MGST1: variants seen among roughly 807,000 people sequenced by gnomAD.
MGST1 encodes the protein glutathione S-transferase 12.
A neutral mutation model predicts 8.9 loss-of-function variants in MGST1; 5 were observed. The ratio of observed to expected loss-of-function variants is 0.56; its 90% CI spans 0.29 to 1.19. The LOEUF (loss-of-function observed/expected upper bound fraction) is 1.19. Among genes scored for constraint, MGST1 ranks in the 50% most tolerant of loss-of-function variants. The pLI is 0.08. For synonymous variants in MGST1, 54 were observed against 67.8 expected (o/e 0.80, Z 1.00); for missense variants, 182 against 187.4 (o/e 0.97, Z 0.17).
At chr12:16,549,873 C>T (rs947877339) in intron 4 of MGST1, 6 of 151,906 alleles carry the variant, frequency 3.9e-5, no homozygotes, top group African/African-American at 1.2e-4. Context: ...TATGCTATCA[C>T]GTAAGGTAGT....
At chr12:16,415,377 C>G (rs1370005936) in intron 1 of MGST1, among the ~76,000 whole-genome samples, 1 of 105,562 alleles carries the variant, frequency 9.5e-6, no homozygotes, top group African/African-American at 4.6e-5. Flanking sequence ...GAATAAAATA[C>G]AGTTGACTTT....
At chr12:16,572,941 C>A in intron 4 of MGST1, among the ~76,000 whole-genome samples, 1 of 151,246 alleles carries the variant, frequency 6.6e-6, no homozygotes, top group Non-Finnish European at 1.5e-5. Context: ...AATTGATCAT[C>A]AAAATAGGAA....
At position 16,401,577 on chromosome 12, in the gene MGST1, T is replaced by C; in HGVS notation, n.778+17973T>C. On this transcript the variant is annotated intron_variant and non_coding_transcript_variant, in intron 1 of 1. Coordinates refer to the MGST1 transcript ENST00000359720. The surrounding 1 kb of genome is among the most constrained non-coding windows in gnomAD (Gnocchi z 4.3). The stretch of plus-strand genomic sequence containing the variant: ...TCAAAGTGCGAACAGGTTGGAGCAA[T>C]AAGACTCGAAGCGAATACCCATGGC... 7.5e-7 allele frequency: 1 copy of C among 1,337,726 alleles called. No individual in the cohort carries two copies. The highest frequency in any genetic ancestry group is 1.1e-6 in the Non-Finnish European group (1 of 929,210). The allele number at this position is 1,337,726 out of a possible 1,614,324, so 82.9% of individuals were successfully genotyped here. A position where few individuals can be genotyped will look rare whatever the true frequency, so the allele number is the denominator to read the frequency against.
Position 16,401,770 on chromosome 12 carries a change from C to T in MGST1, n.778+18166C>T. On this transcript the variant is annotated intron_variant and non_coding_transcript_variant, in intron 1 of 1. Coordinates refer to the MGST1 transcript ENST00000359720. The surrounding 1 kb of genome is among the most constrained non-coding windows in gnomAD (Gnocchi z 4.3). The stretch of plus-strand genomic sequence containing the variant: ...TCAACGGCCTTTTCCACAGACTCAG[C>T]CAGTTTGCTGTGTCAAACTTTCTCA... 6.2e-7 allele frequency: 1 copy of T among 1,600,412 alleles called. No individual in the cohort carries two copies.
chr12:16,578,668 A>T (rs1304288476), intron 4 of MGST1, among the ~76,000 whole-genome samples: 1 of 152,034 alleles, frequency 6.6e-6, no homozygotes, highest in Non-Finnish European at 1.5e-5. Flanking sequence ...AAATACAAAA[A>T]TTAGCCAGGT....
intron 4 of MGST1, among the ~76,000 whole-genome samples, chr12:16,577,895 A>G (rs1418534560): frequency 6.6e-6 from 1 of 152,178 alleles, no homozygotes; most frequent in African/African-American, 2.4e-5. Context: ...TAGGATCACA[A>G]ATTATTTTAT....
upstream of MGST1, among the ~76,000 whole-genome samples, chr12:16,382,549 C>CT (rs561370948): frequency 1.8e-3 from 275 of 152,220 alleles, 2 homozygotes; most frequent in East Asian, 0.01. Flanking sequence ...TCCGCCCCTA[C>CT]TGGGGGGGTG....
intron 4 of MGST1, among the ~76,000 whole-genome samples, chr12:16,509,776 T>A (rs1234607568): frequency 6.6e-6 from 1 of 152,230 alleles, no homozygotes; most frequent in East Asian, 1.9e-4. Flanking sequence ...GGAACAAGGA[T>A]GAAAGTCACT....
At chr12:16,511,977 C>G (rs1377725169) in intron 4 of MGST1, among the ~76,000 whole-genome samples, 1 of 152,108 alleles carries the variant, frequency 6.6e-6, no homozygotes, top group African/African-American at 2.4e-5. Flanking sequence ...GGGAGCCATT[C>G]AGTGTTTATG....
intron 1 of MGST1, among the ~76,000 whole-genome samples, chr12:16,390,059 G>A (rs949725048): frequency 6.6e-6 from 1 of 152,126 alleles, no homozygotes; most frequent in Non-Finnish European, 1.5e-5. Flanking sequence ...CAAAAGGGAG[G>A]CCCTAAATAC....
At chr12:16,468,685 C>T (rs1156843608) in intron 4 of MGST1, among the ~76,000 whole-genome samples, 2 of 152,140 alleles carry the variant, frequency 1.3e-5, no homozygotes, top group Non-Finnish European at 2.9e-5. Context: ...ACAAAGTAGG[C>T]ACTCAGAAAA....
intron 1 of MGST1, among the ~76,000 whole-genome samples, chr12:16,424,143 T>C (rs1391310061): frequency 6.6e-6 from 1 of 152,180 alleles, no homozygotes; most frequent in African/African-American, 2.4e-5. Flanking sequence ...CCAAGAACAA[T>C]TGTAGATGTT....
At chr12:16,514,198 T>G in intron 4 of MGST1, 1 of 312,020 alleles carries the variant, frequency 3.2e-6, no homozygotes, top group African/African-American at 2.2e-5. Context: ...CCATTGTCGC[T>G]GCCAATCATA....
intron 1 of MGST1, among the ~76,000 whole-genome samples, chr12:16,416,587 A>G (rs2137079712): frequency 6.6e-6 from 1 of 152,248 alleles, no homozygotes. Flanking sequence ...CTCTTCTTAT[A>G]GGAGCACCAA....
intron 1 of MGST1, chr12:16,400,279 A>G: frequency 5.0e-6 from 4 of 804,562 alleles, no homozygotes; most frequent in Non-Finnish European, 8.9e-6. Flanking sequence ...CAAGACAATA[A>G]TCATTACTCC....
intron 4 of MGST1, among the ~76,000 whole-genome samples, chr12:16,523,280 C>T (rs1032480067): frequency 2.0e-5 from 3 of 152,086 alleles, no homozygotes; most frequent in African/African-American, 7.2e-5. Flanking sequence ...CCTTGCTCTG[C>T]TAACTAGTTG....
Position 16,401,554 on chromosome 12 carries a change from A to G in MGST1, n.778+17950A>G. On this transcript the variant is annotated intron_variant and non_coding_transcript_variant, in intron 1 of 1. Transcript: ENST00000359720. The surrounding 1 kb of genome is among the most constrained non-coding windows in gnomAD (Gnocchi z 4.3). ...AACTTCCTGAGGAGGATCAGCCATC[A>G]AAGTGCGAACAGGTTGGAGCAATAA... The G allele has an allele frequency of 8.8e-7, 1 of 1,134,460 alleles. No homozygotes were observed. The highest frequency in any genetic ancestry group is 1.3e-6 in the Non-Finnish European group (1 of 747,030). The allele number at this position is 1,134,460 out of a possible 1,614,324, so 70.3% of individuals were successfully genotyped here. A position where few individuals can be genotyped will look rare whatever the true frequency, so the allele number is the denominator to read the frequency against.
At chr12:16,411,764 A>C (rs927990907) in intron 1 of MGST1, among the ~76,000 whole-genome samples, 6 of 152,192 alleles carry the variant, frequency 3.9e-5, no homozygotes, top group Non-Finnish European at 7.3e-5. Context: ...ATGATGATGT[A>C]TATTAGAATT....
rs11056952 is a variant in MGST1 at position 16,478,230 on chromosome 12, A to G, written n.482+94626A>G. Among the ~76,000 whole-genome samples, 1,415 of 151,922 alleles carry G rather than the reference A, an allele frequency of 9.3e-3. 85 individuals carry two copies. In the East Asian group the frequency reaches 0.17, roughly 19 times the overall value. On this transcript the variant is annotated intron_variant and non_coding_transcript_variant, in intron 4 of 4. Transcript: ENST00000538857. ...TTTTTAGCAGAGACGGGGTTTCACC[A>G]TGTTGGCCAAGATGGTCTTGATCTC... is the stretch of plus-strand genomic sequence containing the variant.
Sources: gnomAD v4.1 joint callset for allele counts (sites outside exome capture counted in the v4.1 genomes callset) on GRCh38, gnomAD v4.1.1 for gene constraint, Gnocchi (gnomAD v3.1) non-coding constraint, MANE v1.5 for transcripts, NCBI Gene and HGNC (gene_info 2026-07-23, HGNC 2026-07-21) for gene names.